DDX54: variants seen among roughly 807,000 people sequenced by gnomAD.
The protein encoded by DDX54 is DEAD-box helicase 54.
Under a neutral mutation model 105.5 loss-of-function variants are expected in DDX54, and 67 were observed. The observed-to-expected ratio is 0.64, with a 90% confidence interval of 0.52 to 0.78. DDX54 has a LOEUF of 0.78. DDX54 is among the 30% of genes least tolerant of loss of function. DDX54 has a pLI of 0.00. For synonymous variants in DDX54, 514 were observed against 509.9 expected, an observed-to-expected ratio of 1.01 and a Z score of -0.11; for missense variants, 1,206 against 1,230.5, an observed-to-expected ratio of 0.98 and a Z score of 0.30.
chr12:113,174,169 A>G (rs994915592), intron 10 of DDX54, among the ~76,000 whole-genome samples: 1 of 149,082 alleles, frequency 6.7e-6, no homozygotes, highest in Non-Finnish European at 1.5e-5. Context: ...ACAGAGTGAG[A>G]TACCATTTCC....
At chr12:113,174,390 G>C (rs1952373354) in intron 10 of DDX54, among the ~76,000 whole-genome samples, 1 of 152,144 alleles carries the variant, frequency 6.6e-6, no homozygotes, top group Non-Finnish European at 1.5e-5. Flanking sequence ...GGGAGGCTGA[G>C]GCGGGAGAAT....
In DDX54 at chr12:113,157,245, G is replaced by A. The variant is rs140685757; in HGVS notation, c.*1632C>T. On this transcript the variant is annotated 3_prime_UTR_variant, in exon 20 of 20. Transcript: ENST00000306014. ...AGAAGTTAATTAAAACAAAAGGAGA[G>A]CCACCCACGGAGATAAGAGTAGGTC... 155 of 246,670 alleles carry A rather than the reference G, an allele frequency of 6.3e-4. 1 individual carries two copies. In the East Asian group the frequency reaches 0.012, roughly 19 times the overall value. The allele number at this position is 246,670 out of a possible 1,614,324, so 15.3% of individuals were successfully genotyped here.
In DDX54 at chr12:113,158,553, G is replaced by A. The variant is rs904640918; in HGVS notation, c.*324C>T. 1.7e-5 allele frequency: 5 copies of A among 286,124 alleles called. No individual in the cohort carries two copies. The highest frequency in any genetic ancestry group is 6.2e-5 in the East Asian group (1 of 16,212). The allele number at this position is 286,124 out of a possible 1,614,324, so 17.7% of individuals were successfully genotyped here. A position where few individuals can be genotyped will look rare whatever the true frequency, so the allele number is the denominator to read the frequency against. On this transcript the variant is annotated 3_prime_UTR_variant, in exon 20 of 20. Transcript: ENST00000306014. This position sits in a 1 kb window ranked among gnomAD's most constrained non-coding sequence, Gnocchi z 4.9. ...CATTGCCAAACCCTGAGGCACTCAG[G>A]GCTCTGACCGGTGCAGCCATGACCT...
At chr12:113,176,305 C>T (rs1436828294) in intron 7 of DDX54, among the ~76,000 whole-genome samples, 1 of 152,170 alleles carries the variant, frequency 6.6e-6, no homozygotes, top group Non-Finnish European at 1.5e-5. Context: ...CTGTGGCTCC[C>T]GCCTGTAATC....
At chr12:113,179,791 A>G in intron 3 of DDX54, 144 bp downstream of exon 3, 1 of 945,508 alleles carries the variant, frequency 1.1e-6, no homozygotes, top group Non-Finnish European at 1.6e-6. Context: ...CCACCTAGGA[A>G]GTGGGCACGC....
Position 113,161,203 on chromosome 12 carries a change from G to A in DDX54, c.2413+67C>T, listed in dbSNP as rs1174722329. ...GTAGCCCCTGCACCTGTGCCTCAGCGTTACCCTAATCTGACCACAACTGCT... is the reference window on the plus strand; with the variant it reads ...GTAGCCCCTGCACCTGTGCCTCAGCATTACCCTAATCTGACCACAACTGCT... On this transcript the variant is annotated intron_variant, in intron 19 of 19. Coordinates refer to ENST00000306014, the MANE Select transcript of DDX54 (RefSeq NM_024072.4). 9.0e-6 allele frequency: 12 copies of A among 1,333,548 alleles called. No individual in the cohort carries two copies. The East Asian group carries it at 1.7e-4, about 19-fold the overall frequency. The allele number at this position is 1,333,548 out of a possible 1,614,324, so 82.6% of individuals were successfully genotyped here.
chr12:113,159,583 G>C (rs930648887), intron 19 of DDX54, among the ~76,000 whole-genome samples: 119 of 152,290 alleles, frequency 7.8e-4, no homozygotes, highest in African/African-American at 2.8e-3. Flanking sequence ...GCCCCCCATA[G>C]TAACCGATAC....
chr12:113,170,801 C>T (rs1288060087), intron 11 of DDX54, among the ~76,000 whole-genome samples: 2 of 152,060 alleles, frequency 1.3e-5, no homozygotes, highest in African/African-American at 2.4e-5. Context: ...TCATGTCTAG[C>T]CCCTTACAGA....
At position 113,163,429 on chromosome 12, in the gene DDX54, T is replaced by G. The variant is rs1459151764; in HGVS notation, c.1939-155A>C. ...TTGCCATTTCTTAGCTGGGTGACAG[T>G]GTCTCCTGTGGGACCCTCAGTTTCC... is the stretch of plus-strand genomic sequence containing the variant. On this transcript the variant is annotated intron_variant, in intron 15 of 19. Transcript: ENST00000306014. This position sits in a 1 kb window ranked among gnomAD's most constrained non-coding sequence, Gnocchi z 5.9. Among the ~76,000 whole-genome samples, 2 of 152,182 alleles carry G rather than the reference T, an allele frequency of 1.3e-5. No homozygotes were observed. The highest frequency in any genetic ancestry group is 2.4e-5 in the African/African-American group (1 of 41,442).
chr12:113,176,297 G>A (rs1330099307), intron 7 of DDX54, among the ~76,000 whole-genome samples: 1 of 152,226 alleles, frequency 6.6e-6, no homozygotes, highest in African/African-American at 2.4e-5. Context: ...GCCGGGTGCT[G>A]TGGCTCCCGC....
Position 113,177,085 on chromosome 12 carries a change from T to C in DDX54, c.623A>G (p.Asp208Gly), listed in dbSNP as rs1952413475. 3.1e-6 allele frequency: 5 copies of C among 1,613,950 alleles called. No individual in the cohort carries two copies. Among genetic ancestry groups the C allele is most frequent in the Admixed American group, 1.7e-5 (1 of 59,966 alleles). The change falls in exon 6 of 20, where the codon GAC becomes GGC. Residue 208 changes from aspartate (D) to glycine (G), a missense_variant. Transcript: ENST00000306014. ...ATTTTCGTGCAGGGCTGCAAACTGG[T>C]CTTCCATCCTAGAGAGGAGAGAAGG... is the stretch of plus-strand genomic sequence containing the variant. Reference protein sequence around the residue: ...ALILGGDRMEDQFAALHENPD... With the variant: ...ALILGGDRMEGQFAALHENPD...
In DDX54 at chr12:113,158,098, G is replaced by T; in HGVS notation, c.*779C>A. On this transcript the variant is annotated 3_prime_UTR_variant, in exon 20 of 20. Transcript: ENST00000306014. This position sits in a 1 kb window ranked among gnomAD's most constrained non-coding sequence, Gnocchi z 4.9. Reference sequence around the variant, plus strand: ...CCCAGCCTGAGAATCCAGCTGCTGGGGCTGCCCTTGACCTTCTCAGAACCT... The same window carrying T: ...CCCAGCCTGAGAATCCAGCTGCTGGTGCTGCCCTTGACCTTCTCAGAACCT... 5.3e-6 allele frequency: 1 copy of T among 190,244 alleles called. No homozygotes were observed. The highest frequency in any genetic ancestry group is 1.1e-5 in the Non-Finnish European group (1 of 90,472). 11.8% of individuals were successfully genotyped at this position (190,244 alleles called of 1,614,324 possible).
rs755323794 is a variant in DDX54, at chr12:113,163,068, A to G, written c.2082-23T>C. On this transcript the variant is annotated intron_variant, in intron 16 of 19. Coordinates refer to ENST00000306014, the MANE Select transcript of DDX54 (RefSeq NM_024072.4). This position sits in a 1 kb window ranked among gnomAD's most constrained non-coding sequence, Gnocchi z 5.9. The stretch of plus-strand genomic sequence containing the variant: ...AGGCTGCAGAGGGAGAGTGGGAGAC[A>G]TAATTGGATTGATGGGACCCAGCGG... 7 of 1,609,254 alleles carry G rather than the reference A, an allele frequency of 4.3e-6. No homozygotes were observed. Among genetic ancestry groups the G allele is most frequent in the Non-Finnish European group, 5.9e-6 (7 of 1,178,788 alleles).
intron 1 of DDX54, among the ~76,000 whole-genome samples, chr12:113,185,053 C>T (rs922210797): frequency 9.9e-5 from 15 of 152,220 alleles, no homozygotes; most frequent in Non-Finnish European, 1.8e-4. Flanking sequence ...GGAAGGCCCG[C>T]AGGCTCCAGC....
At chr12:113,179,478 C>G in intron 3 of DDX54, 147 bp from the exon 4 acceptor site, 2 of 927,106 alleles carry the variant, frequency 2.2e-6, no homozygotes, top group Non-Finnish European at 3.2e-6. Context: ...TATTCTTGCC[C>G]ATTCTTTCAA....
rs1952142269 is a variant in DDX54, at chr12:113,157,467, C to T, written c.*1410G>A. 1.4e-6 allele frequency: 1 copy of T among 710,120 alleles called. No homozygotes were observed. The highest frequency in any genetic ancestry group is 2.4e-6 in the Non-Finnish European group (1 of 418,506). 44.0% of individuals were successfully genotyped at this position (710,120 alleles called of 1,614,324 possible). On this transcript the variant is annotated 3_prime_UTR_variant, in exon 20 of 20. Transcript: ENST00000306014. ...GATCTCAGTCACCACCTCTGGGAACCACCATCATCACTGTTCTTTTAATGA... is the reference window on the plus strand; with the variant it reads ...GATCTCAGTCACCACCTCTGGGAACTACCATCATCACTGTTCTTTTAATGA...
intron 12 of DDX54, among the ~76,000 whole-genome samples, chr12:113,166,433 G>A (rs1253541589): frequency 6.6e-6 from 1 of 152,158 alleles, no homozygotes; most frequent in African/African-American, 2.4e-5. Flanking sequence ...GGGTGCGGTG[G>A]CTCATGCCTA....
chr12:113,176,438 G>T (rs559608905), intron 7 of DDX54, among the ~76,000 whole-genome samples: 1 of 152,214 alleles, frequency 6.6e-6, no homozygotes, highest in East Asian at 1.9e-4. Flanking sequence ...GTGGTAGCGC[G>T]TACTTGTAAC....
At chr12:113,180,290 C>T (rs995497700) in intron 2 of DDX54, among the ~76,000 whole-genome samples, 3 of 152,088 alleles carry the variant, frequency 2.0e-5, no homozygotes, top group Non-Finnish European at 1.5e-5. Context: ...GCTGTGCCTT[C>T]GTTTTAGGCG....
Sources: allele counts gnomAD v4.1 joint callset (sites outside exome capture counted in the v4.1 genomes callset), GRCh38; gene constraint gnomAD v4.1.1; non-coding constraint Gnocchi (gnomAD v3.1); transcripts MANE v1.5; gene names NCBI Gene and HGNC (gene_info 2026-07-23, HGNC 2026-07-21).